The following GRM7 variants were observed in gnomAD, a reference collection of about 807,000 sequenced individuals.
GRM7 encodes metabotropic glutamate receptor 7.
GRM7 carries 35 observed loss-of-function variants against 84.5 expected under a neutral mutation model. The ratio of observed to expected loss-of-function variants is 0.41; its 90% CI spans 0.32 to 0.55. The LOEUF is 0.55. GRM7 is among the 20% of genes least tolerant of loss of function. The pLI, the probability that GRM7 is intolerant of heterozygous loss-of-function variation, is 0.19. For synonymous variants in GRM7, 487 were observed against 455.1 expected, an observed-to-expected ratio of 1.07 and a Z score of -0.89; for missense variants, 1,003 against 1,194.6, an observed-to-expected ratio of 0.84 and a Z score of 2.36.
intron 7 of GRM7, among the ~76,000 whole-genome samples, chr3:7,551,125 A>C (rs1299865101): frequency 6.6e-6 from 1 of 152,202 alleles, no homozygotes; most frequent in Non-Finnish European, 1.5e-5. Flanking sequence ...TTTTGTTTCA[A>C]AACTCCATCT....
chr3:7,726,930 C>T (rs1367220984), intron 9 of GRM7, among the ~76,000 whole-genome samples: 2 of 151,250 alleles, frequency 1.3e-5, no homozygotes, highest in Non-Finnish European at 2.9e-5. Flanking sequence ...CTTCAGTCTC[C>T]GGTAATCTAA....
intron 1 of GRM7, among the ~76,000 whole-genome samples, chr3:6,933,254 TG>T (rs1285660334): frequency 2.6e-5 from 4 of 152,310 alleles, no homozygotes; most frequent in African/African-American, 4.8e-5. Flanking sequence ...TAGTGCTTTT[TG>T]TTGGCCCCTA....
rs182413131 is a variant in GRM7, at chr3:7,739,892, G to T, written c.2699-465G>T. Among the ~76,000 whole-genome samples the T allele has an allele frequency of 1.5e-4, 23 of 152,262 alleles. No individual in the cohort carries two copies. The East Asian group carries it at 4.1e-3, about 27-fold the overall frequency. On this transcript the variant is annotated intron_variant, in intron 9 of 9. Transcript: ENST00000357716. ...CAAGTCAATCTGTAGTCTTTTGATTGTGTGAATCAGCACTAAAGAAGACAC... is the reference window on the plus strand; with the variant it reads ...CAAGTCAATCTGTAGTCTTTTGATTTTGTGAATCAGCACTAAAGAAGACAC...
At chr3:7,626,792 G>C (rs1039466214) in intron 8 of GRM7, among the ~76,000 whole-genome samples, 2 of 152,062 alleles carry the variant, frequency 1.3e-5, no homozygotes, top group Non-Finnish European at 2.9e-5. Flanking sequence ...AGCACAAGGG[G>C]TTAGGACTTT....
At chr3:7,603,674 G>A (rs1575544794) in intron 8 of GRM7, among the ~76,000 whole-genome samples, 1 of 151,798 alleles carries the variant, frequency 6.6e-6, no homozygotes. Context: ...TAGGATTTTT[G>A]TTTTGTTTGT....
intron 1 of GRM7, among the ~76,000 whole-genome samples, chr3:6,942,457 C>T (rs1433901584): frequency 6.6e-6 from 1 of 152,076 alleles, no homozygotes; most frequent in Non-Finnish European, 1.5e-5. Context: ...GATTTATTTA[C>T]ATCTTCTGAA....
At chr3:7,683,166 A>T (rs1185636329) in intron 9 of GRM7, among the ~76,000 whole-genome samples, 1 of 152,062 alleles carries the variant, frequency 6.6e-6, no homozygotes, top group African/African-American at 2.4e-5. Flanking sequence ...TTGGTGGGAG[A>T]TTCTTTAAAC....
intron 7 of GRM7, among the ~76,000 whole-genome samples, chr3:7,553,869 G>A (rs1017855120): frequency 6.6e-6 from 1 of 152,174 alleles, no homozygotes; most frequent in Admixed American, 6.5e-5. Flanking sequence ...TTCTTACCTA[G>A]GAAATCTTTC....
chr3:6,930,151 GA>G (rs1697451200), intron 1 of GRM7, among the ~76,000 whole-genome samples: 1 of 152,170 alleles, frequency 6.6e-6, no homozygotes, highest in Non-Finnish European at 1.5e-5. Context: ...TATATTCTCT[GA>G]ACTGCAGTTG....
At chr3:7,186,842 C>A (rs1313106086) in intron 2 of GRM7, among the ~76,000 whole-genome samples, 1 of 152,172 alleles carries the variant, frequency 6.6e-6, no homozygotes, top group Non-Finnish European at 1.5e-5. Context: ...TCTCTTGGGG[C>A]TAGTACAATT....
At chr3:6,994,066 A>G (rs752368151) in intron 1 of GRM7, among the ~76,000 whole-genome samples, 2 of 152,310 alleles carry the variant, frequency 1.3e-5, no homozygotes, top group East Asian at 1.9e-4. Flanking sequence ...ACATCTTAGT[A>G]ATGTGATCAT....
At position 7,405,241 on chromosome 3, in the gene GRM7, G is replaced by A. The variant is rs181387660; in HGVS notation, c.1034-9782G>A. On this transcript the variant is annotated intron_variant, in intron 4 of 9. Transcript: ENST00000357716. ...ATCAAGGATAGTATATAAGTTGTATGTTTTAAAAAGTCAGAAGAATATTAG... is the reference window on the plus strand; with the variant it reads ...ATCAAGGATAGTATATAAGTTGTATATTTTAAAAAGTCAGAAGAATATTAG... Among the ~76,000 whole-genome samples the A allele has an allele frequency of 6.1e-4, 93 of 152,248 alleles. 2 individuals carry two copies. The East Asian group carries it at 0.016, about 26-fold the overall frequency.
intron 2 of GRM7, among the ~76,000 whole-genome samples, chr3:7,259,380 C>T (rs562488703): frequency 7.2e-5 from 11 of 152,242 alleles, no homozygotes; most frequent in African/African-American, 1.2e-4. Flanking sequence ...TTTCATCATC[C>T]AGGTACTAAG....
At chr3:7,556,416 G>A (rs147328222) in intron 7 of GRM7, among the ~76,000 whole-genome samples, 85 of 152,238 alleles carry the variant, frequency 5.6e-4, no homozygotes, top group African/African-American at 1.8e-3. Flanking sequence ...CATCTCTTTA[G>A]TGCAAAGACT....
At chr3:7,482,154 C>T (rs1699155006) in intron 7 of GRM7, among the ~76,000 whole-genome samples, 1 of 152,162 alleles carries the variant, frequency 6.6e-6, no homozygotes, top group African/African-American at 2.4e-5. Flanking sequence ...CACCACTGCA[C>T]TCCAGCCTGG....
At chr3:7,144,845 A>G (rs1694058747) in intron 1 of GRM7, among the ~76,000 whole-genome samples, 1 of 152,172 alleles carries the variant, frequency 6.6e-6, no homozygotes, top group South Asian at 2.1e-4. Context: ...ACCCATCAGG[A>G]GACATGCAGG....
intron 1 of GRM7, among the ~76,000 whole-genome samples, chr3:6,957,890 G>A (rs535116052): frequency 1.3e-5 from 2 of 152,230 alleles, no homozygotes; most frequent in South Asian, 4.2e-4. Context: ...AAGACACTTG[G>A]ATGCATTTTA....
At chr3:6,912,078 C>T (rs1696789953) in intron 1 of GRM7, among the ~76,000 whole-genome samples, 3 of 152,196 alleles carry the variant, frequency 2.0e-5, no homozygotes, top group South Asian at 4.1e-4. Flanking sequence ...TATCAGACAG[C>T]CATCTGATTG....
chr3:7,691,003 G>A (rs535211916), intron 9 of GRM7: 14 of 363,320 alleles, frequency 3.9e-5, no homozygotes, highest in South Asian at 1.3e-4. Flanking sequence ...CTTGTGACTC[G>A]TTTCCATCTA....
Sources: allele counts gnomAD v4.1 joint callset (sites outside exome capture counted in the v4.1 genomes callset), GRCh38; gene constraint gnomAD v4.1.1; transcripts MANE v1.5; gene names NCBI Gene and HGNC (gene_info 2026-07-23, HGNC 2026-07-21).